Variants in WASF3 observed in about 807,000 individuals in gnomAD.
WASF3 encodes actin-binding protein WASF3.
A neutral mutation model predicts 46.6 loss-of-function variants in WASF3; 11 were observed. The observed-to-expected ratio is 0.24, with a 90% CI of 0.15 to 0.39. The LOEUF is 0.39. Among genes scored for constraint, WASF3 ranks in the 10% least tolerant of loss-of-function variants. The pLI, the probability that WASF3 is intolerant of heterozygous loss-of-function variation, is 1.00. For missense variants in WASF3, 576 were observed against 669.8 expected (o/e 0.86, Z 1.55); for synonymous variants, 242 against 259.7 (o/e 0.93, Z 0.65).
chr13:26,608,199 A>G (rs570644888), intron 1 of WASF3, among the ~76,000 whole-genome samples: 1 of 152,290 alleles, frequency 6.6e-6, no homozygotes, highest in South Asian at 2.1e-4. Flanking sequence ...TTACAATGCC[A>G]TATCAGGCAT....
At chr13:26,589,814 A>G (rs1416059397) in intron 1 of WASF3, among the ~76,000 whole-genome samples, 2 of 152,150 alleles carry the variant, frequency 1.3e-5, no homozygotes, top group African/African-American at 2.4e-5. Context: ...ACAGAGGTAA[A>G]CATACTCAAT....
intron 1 of WASF3, among the ~76,000 whole-genome samples, chr13:26,571,130 T>C (rs1238119560): frequency 6.6e-6 from 1 of 152,200 alleles, no homozygotes; most frequent in Non-Finnish European, 1.5e-5. Flanking sequence ...TATAGAATTT[T>C]TGCACCTTTT....
intron 1 of WASF3, among the ~76,000 whole-genome samples, chr13:26,611,266 T>G (rs1880970463): frequency 6.6e-6 from 1 of 152,188 alleles, no homozygotes; most frequent in Non-Finnish European, 1.5e-5. Flanking sequence ...ATTTCTTCAT[T>G]TTTAAATGGA....
chr13:26,610,454 T>C (rs1172771081), intron 1 of WASF3, among the ~76,000 whole-genome samples: 1 of 152,208 alleles, frequency 6.6e-6, no homozygotes, highest in Non-Finnish European at 1.5e-5. Flanking sequence ...GCTTTGGTTT[T>C]ACCAGGGGGA....
chr13:26,570,257 C>T (rs1221160132), intron 1 of WASF3, among the ~76,000 whole-genome samples: 1 of 152,156 alleles, frequency 6.6e-6, no homozygotes, highest in Non-Finnish European at 1.5e-5. Flanking sequence ...CACTGCACTG[C>T]AGCCTGGGGG....
intron 1 of WASF3, among the ~76,000 whole-genome samples, chr13:26,606,286 G>T (rs1428465833): frequency 6.6e-6 from 1 of 151,640 alleles, no homozygotes; most frequent in Non-Finnish European, 1.5e-5. Context: ...ATCTGGAGCT[G>T]TTTGACTTTC....
At chr13:26,609,626 T>C (rs1880909567) in intron 1 of WASF3, 1 of 152,158 alleles carries the variant, frequency 6.6e-6, no homozygotes, top group Non-Finnish European at 1.5e-5. Context: ...TATTTAGTAG[T>C]AGTAGTTTAA....
chr13:26,592,994 A>C (rs1271921258), intron 1 of WASF3, among the ~76,000 whole-genome samples: 1 of 152,056 alleles, frequency 6.6e-6, no homozygotes, highest in Non-Finnish European at 1.5e-5. Context: ...TATTTCAGGA[A>C]TTGGTTTTTG....
chr13:26,545,948 G>T, the WASF3 span, among the ~76,000 whole-genome samples: 1 of 152,108 alleles, frequency 6.6e-6, no homozygotes, highest in Non-Finnish European at 1.5e-5. Flanking sequence ...TCTTAATGTG[G>T]TTTAATAAAT....
intron 1 of WASF3, among the ~76,000 whole-genome samples, chr13:26,611,052 G>T (rs1282810398): frequency 0.045 from 1,230 of 27,074 alleles, 16 homozygotes; most frequent in African/African-American, 0.11. Flanking sequence ...TTTTTTTTTT[G>T]GTAGAGGTGG....
the WASF3 span, among the ~76,000 whole-genome samples, chr13:26,552,125 T>A: frequency 6.6e-6 from 1 of 152,230 alleles, no homozygotes; most frequent in Non-Finnish European, 1.5e-5. Context: ...GGGCTCTCCA[T>A]GTTCATTGGA....
intron 3 of WASF3, among the ~76,000 whole-genome samples, chr13:26,648,909 G>A (rs887583129): frequency 2.6e-5 from 4 of 152,294 alleles, no homozygotes; most frequent in African/African-American, 9.6e-5. Flanking sequence ...GACCCGGAAT[G>A]TCAGAAATAC....
intron 1 of WASF3, among the ~76,000 whole-genome samples, chr13:26,573,924 T>C (rs1879712762): frequency 6.6e-6 from 1 of 152,214 alleles, no homozygotes; most frequent in Non-Finnish European, 1.5e-5. Context: ...TTATGTAGTT[T>C]TGTTTTTAAA....
intron 3 of WASF3, among the ~76,000 whole-genome samples, chr13:26,652,776 A>AC (rs1882350506): frequency 6.6e-6 from 1 of 152,202 alleles, no homozygotes; most frequent in South Asian, 2.1e-4. Flanking sequence ...ACTATTGCTA[A>AC]CCATGTGGTA....
At chr13:26,642,764 T>G (rs909524544) in intron 3 of WASF3, among the ~76,000 whole-genome samples, 4 of 152,242 alleles carry the variant, frequency 2.6e-5, no homozygotes, top group African/African-American at 9.6e-5. Context: ...TTGTTTTGTT[T>G]TTTAAGTGTA....
At position 26,589,922 on chromosome 13, in the gene WASF3, C is replaced by T. The variant is rs753875777; in HGVS notation, c.-108-23039C>T. Among the ~76,000 whole-genome samples the T allele has an allele frequency of 4.3e-4, 65 of 151,884 alleles. 1 individual carries two copies. The highest frequency in any genetic ancestry group is 5.9e-4 in the Admixed American group (9 of 15,262). On this transcript the variant is annotated intron_variant, in intron 1 of 9. Transcript: ENST00000335327. ...TGGCCACCCCCCATTGCTGGACTTA[C>T]GCCAGGGCAGAAGAAGGTTCACCTC...
At chr13:26,662,363 CA>C (rs1244668637) in intron 3 of WASF3, among the ~76,000 whole-genome samples, 1 of 152,188 alleles carries the variant, frequency 6.6e-6, no homozygotes, top group African/African-American at 2.4e-5. Context: ...GTATGTTCAT[CA>C]CAGTGCTGTT....
At chr13:26,651,625 T>G (rs1286658732) in intron 3 of WASF3, among the ~76,000 whole-genome samples, 1 of 152,218 alleles carries the variant, frequency 6.6e-6, no homozygotes, top group Non-Finnish European at 1.5e-5. Context: ...CAAAAAATTC[T>G]TAACGCTTCA....
rs766730218 is a variant in WASF3 at position 26,676,724 on chromosome 13, GGT to G, written c.716+11_716+12del. ...GAGGGATCCCTGTCCCCAGATACTAGGTGTGTGTGTGTCACTGCTCCCTCAGC... is the reference window on the plus strand; with the variant it reads ...GAGGGATCCCTGTCCCCAGATACTAGGTGTGTGTGTCACTGCTCCCTCAGC... On this transcript the variant is annotated splice_donor_variant, in intron 7 of 9. Coordinates refer to ENST00000335327, the MANE Select transcript of WASF3 (RefSeq NM_006646.6). LOFTEE classifies it high-confidence loss of function. 2.4e-5 allele frequency: 38 copies of G among 1,611,034 alleles called. No individual in the cohort carries two copies. Among genetic ancestry groups the G allele is most frequent in the East Asian group, 6.7e-5 (3 of 44,738 alleles).
Sources: allele counts gnomAD v4.1 joint callset (sites outside exome capture counted in the v4.1 genomes callset), GRCh38; gene constraint gnomAD v4.1.1; transcripts MANE v1.5; gene names NCBI Gene and HGNC (gene_info 2026-07-23, HGNC 2026-07-21).